The following PPA2 variants were observed in gnomAD, a reference collection of about 807,000 sequenced individuals.
The protein encoded by PPA2 is inorganic pyrophosphatase 2.
In PPA2, 48 loss-of-function variants were observed where a neutral mutation model predicts 49.5. The observed-to-expected ratio is 0.97, with a 90% CI of 0.77 to 1.23. PPA2 has a LOEUF of 1.23. Among genes scored for constraint, PPA2 ranks in the 50% most tolerant of loss-of-function variants. PPA2 has a pLI of 0.00. For synonymous variants in PPA2, 131 were observed against 139.9 expected, an observed-to-expected ratio of 0.94 and a Z score of 0.45; for missense variants, 429 against 410.1, an observed-to-expected ratio of 1.05 and a Z score of -0.40.
At chr4:105,404,091 C>A (rs188014647) in intron 7 of PPA2, among the ~76,000 whole-genome samples, 1 of 151,748 alleles carries the variant, frequency 6.6e-6, no homozygotes. Context: ...AGACCATGAA[C>A]AGTATATATG....
intron 1 of PPA2, among the ~76,000 whole-genome samples, chr4:105,459,664 C>A (rs771947014): frequency 6.6e-6 from 1 of 152,162 alleles, no homozygotes; most frequent in South Asian, 2.1e-4. Flanking sequence ...TGCAAATGTA[C>A]AACTGGTAAA....
At chr4:105,376,358 T>G (rs1002481008) in intron 10 of PPA2, among the ~76,000 whole-genome samples, 1 of 152,182 alleles carries the variant, frequency 6.6e-6, no homozygotes, top group Non-Finnish European at 1.5e-5. Flanking sequence ...TACTGAGAGA[T>G]AAGATCTACC....
chr4:105,462,752 T>C (rs540866377), intron 1 of PPA2, among the ~76,000 whole-genome samples: 5 of 152,276 alleles, frequency 3.3e-5, no homozygotes, highest in Non-Finnish European at 5.9e-5. Flanking sequence ...AACTGAATCA[T>C]AGGGGTAAGT....
intron 7 of PPA2, chr4:105,405,404 T>C (rs1417221131): frequency 2.5e-6 from 2 of 796,010 alleles, no homozygotes; most frequent in Non-Finnish European, 3.0e-6. Flanking sequence ...ACACGTTTAC[T>C]TTTATCTCTA....
At chr4:105,438,661 G>A (rs1724190424) in intron 5 of PPA2, among the ~76,000 whole-genome samples, 1 of 151,992 alleles carries the variant, frequency 6.6e-6, no homozygotes, top group Admixed American at 6.6e-5. Flanking sequence ...TATACACATA[G>A]GAATTTTTAT....
At chr4:105,420,964 A>C (rs769124066) in intron 7 of PPA2, among the ~76,000 whole-genome samples, 2 of 152,232 alleles carry the variant, frequency 1.3e-5, no homozygotes, top group Non-Finnish European at 2.9e-5. Flanking sequence ...TAGGAAAAAC[A>C]ATTATACTTA....
At chr4:105,451,796 C>T (rs1438288544) in intron 3 of PPA2, among the ~76,000 whole-genome samples, 2 of 152,218 alleles carry the variant, frequency 1.3e-5, no homozygotes, top group African/African-American at 4.8e-5. Context: ...CATTCTCCCT[C>T]TTCATTTGCT....
intron 7 of PPA2, among the ~76,000 whole-genome samples, chr4:105,411,165 GA>G (rs1722737074): frequency 6.6e-6 from 1 of 152,134 alleles, no homozygotes; most frequent in Non-Finnish European, 1.5e-5. Context: ...GTATTCAGAA[GA>G]TGCATCTCAA....
In PPA2 at chr4:105,473,853, T is replaced by G. The variant is rs901439438; in HGVS notation, c.157+41A>C. The G allele has an allele frequency of 8.8e-5, 138 of 1,568,352 alleles. 1 individual carries two copies. The highest frequency in any genetic ancestry group is 1.1e-4 in the Non-Finnish European group (124 of 1,154,214). ...CCCCATTCCATCCCCCACCCAGGTT[T>G]CTCCGGTGCGCCGCTCGGCGAACCT... On this transcript the variant is annotated intron_variant, in intron 1 of 11. Transcript: ENST00000341695.
chr4:105,396,429 T>C, intron 8 of PPA2, 95 bp from the exon 9 acceptor site: 2 of 829,150 alleles, frequency 2.4e-6, no homozygotes, highest in South Asian at 4.4e-5. Flanking sequence ...AGTTAATTGT[T>C]AAGAGCATGA....
chr4:105,391,876 T>TA (rs202155208), intron 9 of PPA2, among the ~76,000 whole-genome samples: 2,034 of 151,870 alleles, frequency 0.013, 42 homozygotes, highest in African/African-American at 0.047. Context: ...TGATTGTTAA[T>TA]AAAAAAAGAG....
At chr4:105,472,521 T>A (rs1171686923) in intron 1 of PPA2, among the ~76,000 whole-genome samples, 1 of 152,228 alleles carries the variant, frequency 6.6e-6, no homozygotes, top group Non-Finnish European at 1.5e-5. Context: ...AAAAGCGAAC[T>A]GCCACTTCAT....
chr4:105,439,512 A>G (rs1053975054), intron 5 of PPA2, among the ~76,000 whole-genome samples: 1 of 152,132 alleles, frequency 6.6e-6, no homozygotes, highest in African/African-American at 2.4e-5. Context: ...TTCATACAGT[A>G]AAACATTTAT....
intron 7 of PPA2, among the ~76,000 whole-genome samples, chr4:105,407,494 C>T (rs1722537530): frequency 6.7e-6 from 1 of 150,048 alleles, no homozygotes; most frequent in Admixed American, 6.7e-5. Context: ...CTGAGTATTT[C>T]CCCACTGGAA....
intron 10 of PPA2, among the ~76,000 whole-genome samples, chr4:105,371,274 T>C (rs900532456): frequency 1.3e-5 from 2 of 152,248 alleles, no homozygotes; most frequent in African/African-American, 4.8e-5. Context: ...AAAAAATTTA[T>C]CTGTCTTCTA....
chr4:105,427,535 G>A (rs766766967), intron 6 of PPA2, among the ~76,000 whole-genome samples: 6 of 152,050 alleles, frequency 3.9e-5, no homozygotes, highest in Non-Finnish European at 7.4e-5. Flanking sequence ...ACCACAGCAC[G>A]AGAACTTCGT....
intron 6 of PPA2, among the ~76,000 whole-genome samples, chr4:105,436,803 C>A: frequency 6.6e-6 from 1 of 152,124 alleles, no homozygotes; most frequent in East Asian, 1.9e-4. Flanking sequence ...TATCTCTCAC[C>A]ACATACAAAA....
At chr4:105,438,273 G>A (rs1279693784) in intron 5 of PPA2, among the ~76,000 whole-genome samples, 1 of 152,196 alleles carries the variant, frequency 6.6e-6, no homozygotes. Flanking sequence ...CTGCAAGTGG[G>A]TGGTATATGC....
Position 105,369,388 on chromosome 4 carries a change from C to T in PPA2, c.*337G>A, listed in dbSNP as rs1732931196. ...TACAGGCATGCACCACCACGCCTGG[C>T]TAATTTTTGTATTTTTAATAGAGAT... On this transcript the variant is annotated 3_prime_UTR_variant, in exon 12 of 12. Transcript: ENST00000341695. 1 of 204,694 alleles carries T rather than the reference C, an allele frequency of 4.9e-6. No individual in the cohort carries two copies. Among genetic ancestry groups the T allele is most frequent in the African/African-American group, 2.4e-5 (1 of 42,474 alleles). 12.7% of individuals were successfully genotyped at this position (204,694 alleles called of 1,614,324 possible). A position where few individuals can be genotyped will look rare whatever the true frequency, so the allele number is the denominator to read the frequency against.
Sources: gnomAD v4.1 joint callset for allele counts (sites outside exome capture counted in the v4.1 genomes callset) on GRCh38, gnomAD v4.1.1 for gene constraint, MANE v1.5 for transcripts, NCBI Gene and HGNC (gene_info 2026-07-23, HGNC 2026-07-21) for gene names.